Variants in SENP7 observed in about 807,000 individuals in gnomAD.
SENP7 encodes the protein SUMO specific peptidase 7, also known as sentrin-specific protease 7.
Under a neutral mutation model 141.2 loss-of-function variants are expected in SENP7, and 64 were observed. The observed-to-expected ratio is 0.45, with a 90% confidence interval of 0.37 to 0.56. The LOEUF is 0.56. Ranked by LOEUF, SENP7 falls within the 20% of genes least tolerant of loss-of-function variation. The pLI, the probability that SENP7 is intolerant of heterozygous loss-of-function variation, is 0.00. For synonymous variants in SENP7, 382 were observed against 426.4 expected (o/e 0.90, Z 1.28); for missense variants, 1,025 against 1,212.2 (o/e 0.85, Z 2.29).
intron 4 of SENP7, among the ~76,000 whole-genome samples, chr3:101,455,954 A>G (rs936873415): frequency 3.9e-5 from 6 of 152,182 alleles, no homozygotes; most frequent in Admixed American, 2.6e-4. Context: ...GAGAAAAACT[A>G]AAGTATAGAC....
chr3:101,329,726 TGA>T (rs2058997179), intron 20 of SENP7, among the ~76,000 whole-genome samples: 1 of 143,088 alleles, frequency 7.0e-6, no homozygotes, highest in Non-Finnish European at 1.5e-5. Context: ...TCACCTGAGG[TGA>T]GGAGTTCAAG....
chr3:101,385,589 G>A (rs1038553641), intron 6 of SENP7, among the ~76,000 whole-genome samples: 2 of 152,140 alleles, frequency 1.3e-5, no homozygotes, highest in Non-Finnish European at 2.9e-5. Context: ...TACATCTTGT[G>A]ACCCTCTCCA....
intron 3 of SENP7, among the ~76,000 whole-genome samples, chr3:101,488,263 C>T (rs1247181759): frequency 1.3e-5 from 2 of 151,976 alleles, no homozygotes; most frequent in Non-Finnish European, 2.9e-5. Context: ...TCAGCCTGGA[C>T]ATTATTTGGT....
chr3:101,359,849 T>TTG (rs1274029770), intron 11 of SENP7, among the ~76,000 whole-genome samples: 1 of 152,046 alleles, frequency 6.6e-6, no homozygotes, highest in Non-Finnish European at 1.5e-5. Flanking sequence ...ACTAATTTGT[T>TTG]TGTGGTTTTT....
At chr3:101,455,241 A>G (rs572284134) in intron 4 of SENP7, among the ~76,000 whole-genome samples, 1 of 152,252 alleles carries the variant, frequency 6.6e-6, no homozygotes, top group Admixed American at 6.5e-5. Context: ...GTCTGTTAAT[A>G]CTGAACTAGG....
At chr3:101,476,651 T>C (rs891623444) in intron 3 of SENP7, among the ~76,000 whole-genome samples, 3 of 152,224 alleles carry the variant, frequency 2.0e-5, no homozygotes, top group Non-Finnish European at 4.4e-5. Flanking sequence ...GTATTTCTGG[T>C]TCCAGATCCT....
chr3:101,467,859 A>C (rs112239544), intron 3 of SENP7, among the ~76,000 whole-genome samples: 3 of 152,044 alleles, frequency 2.0e-5, no homozygotes, highest in Non-Finnish European at 2.9e-5. Flanking sequence ...GAATGACTTT[A>C]ACGAGCTGAC....
chr3:101,356,422 T>C (rs2059744496), intron 11 of SENP7, among the ~76,000 whole-genome samples: 1 of 152,110 alleles, frequency 6.6e-6, no homozygotes, highest in Admixed American at 6.5e-5. Flanking sequence ...TATTACATCA[T>C]TATTCACTTT....
chr3:101,360,830 GAA>G (rs1241751667), intron 11 of SENP7, among the ~76,000 whole-genome samples: 1 of 152,160 alleles, frequency 6.6e-6, no homozygotes, highest in Admixed American at 6.5e-5. Context: ...AGGGATTAGG[GAA>G]AGTTTCCTGG....
intron 5 of SENP7, among the ~76,000 whole-genome samples, chr3:101,405,265 A>C (rs1219179937): frequency 6.6e-6 from 1 of 152,228 alleles, no homozygotes; most frequent in Non-Finnish European, 1.5e-5. Flanking sequence ...GACTCTGTGC[A>C]GACAACCGCC....
At chr3:101,464,877 T>C (rs1252037858) in intron 3 of SENP7, among the ~76,000 whole-genome samples, 1 of 152,008 alleles carries the variant, frequency 6.6e-6, no homozygotes, top group East Asian at 1.9e-4. Context: ...TGGAAATAGA[T>C]AGACCAATAG....
rs1404466018 is a variant in SENP7, at chr3:101,407,364, A to G, written c.483-8309T>C. ...GGGACTTCAATATTCCACTCACAGCACTAGACAGGCCATCAAGACAGAAAG... is the reference window on the plus strand; with the variant it reads ...GGGACTTCAATATTCCACTCACAGCGCTAGACAGGCCATCAAGACAGAAAG... On this transcript the variant is annotated intron_variant, in intron 5 of 23. Transcript: ENST00000394095. 2.0e-5 allele frequency among the ~76,000 whole-genome samples: 3 copies of G among 152,354 alleles called. No homozygotes were observed. In the East Asian group the frequency reaches 5.8e-4, roughly 29 times the overall value.
intron 4 of SENP7, among the ~76,000 whole-genome samples, chr3:101,423,728 A>G (rs1290091494): frequency 1.3e-5 from 2 of 152,152 alleles, no homozygotes; most frequent in Non-Finnish European, 2.9e-5. Flanking sequence ...AGAGGGAGGA[A>G]GGTGGGAACC....
At chr3:101,414,408 C>T (rs752227925) in intron 5 of SENP7, 55 of 1,085,784 alleles carry the variant, frequency 5.1e-5, no homozygotes, top group Middle Eastern at 4.0e-4. Flanking sequence ...TGGCTCAAGC[C>T]CAGGCTTTGG....
At chr3:101,333,255 C>G (rs1420654343) in intron 17 of SENP7, 1 of 165,704 alleles carries the variant, frequency 6.0e-6, no homozygotes, top group Non-Finnish European at 1.3e-5. Flanking sequence ...GGTTTTAAAA[C>G]TCAATGGGCT....
intron 6 of SENP7, among the ~76,000 whole-genome samples, chr3:101,391,619 C>T (rs1169608534): frequency 6.6e-6 from 1 of 152,008 alleles, no homozygotes; most frequent in Non-Finnish European, 1.5e-5. Context: ...AAAGAAAAGC[C>T]CAGGACTGGA....
intron 3 of SENP7, among the ~76,000 whole-genome samples, chr3:101,461,593 GAA>G (rs377324148): frequency 1.4e-5 from 2 of 142,066 alleles, no homozygotes; most frequent in African/African-American, 5.1e-5. Context: ...GGTACCGTAA[GAA>G]AAAAAAAAAC....
At chr3:101,500,133 A>T (rs1407679027) in intron 2 of SENP7, among the ~76,000 whole-genome samples, 1 of 152,226 alleles carries the variant, frequency 6.6e-6, no homozygotes, top group Non-Finnish European at 1.5e-5. Context: ...TAACTATATA[A>T]CATGAAGACG....
intron 11 of SENP7, among the ~76,000 whole-genome samples, chr3:101,352,419 ATCTT>A (rs1260396411): frequency 1.3e-5 from 2 of 151,976 alleles, no homozygotes; most frequent in Admixed American, 1.3e-4. Flanking sequence ...CCTAGCATTC[ATCTT>A]TCTTTGTTTC....
Sources: gnomAD v4.1 joint callset for allele counts (sites outside exome capture counted in the v4.1 genomes callset) on GRCh38, gnomAD v4.1.1 for gene constraint, MANE v1.5 for transcripts, NCBI Gene and HGNC (gene_info 2026-07-23, HGNC 2026-07-21) for gene names.